QTMAN: variants seen among roughly 807,000 people sequenced by gnomAD.
The protein encoded by QTMAN is tRNA-queuosine alpha-mannosyltransferase.
the QTMAN span, among the ~76,000 whole-genome samples, chr2:144,220,620 C>T: frequency 2.0e-5 from 3 of 152,172 alleles, no homozygotes; most frequent in Non-Finnish European, 2.9e-5. Flanking sequence ...TCACACTTTG[C>T]AAACAGTGTT....
the QTMAN span, among the ~76,000 whole-genome samples, chr2:144,300,297 T>A: frequency 1.3e-5 from 2 of 152,334 alleles, no homozygotes; most frequent in African/African-American, 4.8e-5. Flanking sequence ...AAAAACTATT[T>A]TTTTTAATTA....
the QTMAN span, among the ~76,000 whole-genome samples, chr2:143,993,815 T>C: frequency 6.6e-6 from 1 of 152,076 alleles, no homozygotes. Context: ...TGAAGAGGAA[T>C]CAAACAAGGT....
chr2:144,202,864 G>T, the QTMAN span, among the ~76,000 whole-genome samples: 1 of 152,100 alleles, frequency 6.6e-6, no homozygotes, highest in Non-Finnish European at 1.5e-5. Flanking sequence ...AGCTAGAAAG[G>T]ATATTAAAAG....
the QTMAN span, among the ~76,000 whole-genome samples, chr2:144,103,422 T>C: frequency 6.6e-6 from 1 of 152,190 alleles, no homozygotes; most frequent in African/African-American, 2.4e-5. Flanking sequence ...GTGCCCTGCA[T>C]AGAGCTTACC....
chr2:144,230,016 T>TA, the QTMAN span, among the ~76,000 whole-genome samples: 1,660 of 152,170 alleles, frequency 0.011, 20 homozygotes, highest in African/African-American at 0.037. Flanking sequence ...CCATGTGATA[T>TA]AAAAAAAATT....
chr2:143,984,326 A>G, the QTMAN span, among the ~76,000 whole-genome samples: 4 of 152,250 alleles, frequency 2.6e-5, no homozygotes, highest in African/African-American at 9.6e-5. Flanking sequence ...GCCAAAGATA[A>G]TGAAGAACAA....
the QTMAN span, among the ~76,000 whole-genome samples, chr2:144,310,540 TGA>T: frequency 6.6e-6 from 1 of 152,206 alleles, no homozygotes; most frequent in Non-Finnish European, 1.5e-5. Flanking sequence ...GAGAAAAAGC[TGA>T]GAGACCAGTC....
At chr2:144,117,801 G>C in the QTMAN span, among the ~76,000 whole-genome samples, 5 of 151,688 alleles carry the variant, frequency 3.3e-5, no homozygotes, top group Non-Finnish European at 1.5e-5. Flanking sequence ...TAAAGTACTT[G>C]AGATTTATCT....
the QTMAN span, chr2:144,235,886 T>G: frequency 6.6e-6 from 1 of 152,324 alleles, no homozygotes; most frequent in African/African-American, 2.4e-5. Context: ...AACAGAAATT[T>G]TCTGAGTGCT....
the QTMAN span, among the ~76,000 whole-genome samples, chr2:144,182,115 A>AT: frequency 6.6e-6 from 1 of 152,282 alleles, no homozygotes; most frequent in East Asian, 1.9e-4. Context: ...ATAAAAGAGA[A>AT]TAAAAAAAAA....
chr2:144,259,151 T>C, the QTMAN span, among the ~76,000 whole-genome samples: 1 of 152,184 alleles, frequency 6.6e-6, no homozygotes, highest in South Asian at 2.1e-4. Flanking sequence ...ACTAGACCTC[T>C]TGCTTTTTTG....
At chr2:144,135,541 C>A in the QTMAN span, among the ~76,000 whole-genome samples, 1 of 152,126 alleles carries the variant, frequency 6.6e-6, no homozygotes, top group Non-Finnish European at 1.5e-5. Flanking sequence ...CTTAAAATTT[C>A]TCATTCCTGT....
At chr2:144,017,492 A>T in the QTMAN span, among the ~76,000 whole-genome samples, 1 of 152,304 alleles carries the variant, frequency 6.6e-6, no homozygotes, top group Non-Finnish European at 1.5e-5. Context: ...TTAAGCATCT[A>T]ATCAAGTCTA....
chr2:144,290,246 A>G, the QTMAN span, among the ~76,000 whole-genome samples: 1 of 152,146 alleles, frequency 6.6e-6, no homozygotes, highest in South Asian at 2.1e-4. Context: ...TTGCTCAATC[A>G]AACTCTGTTA....
the QTMAN span, among the ~76,000 whole-genome samples, chr2:144,014,275 C>G: frequency 6.6e-6 from 1 of 152,148 alleles, no homozygotes; most frequent in African/African-American, 2.4e-5. Context: ...CACAGATGAG[C>G]CAATCATGAT....
chr2:144,075,331 T>A, the QTMAN span, among the ~76,000 whole-genome samples: 4 of 152,368 alleles, frequency 2.6e-5, no homozygotes, highest in African/African-American at 7.2e-5. Flanking sequence ...AGCGTCACTT[T>A]TTCTGATTAC....
At chr2:143,998,195 A>G in the QTMAN span, among the ~76,000 whole-genome samples, 2 of 152,084 alleles carry the variant, frequency 1.3e-5, no homozygotes, top group African/African-American at 4.8e-5. Flanking sequence ...TCTCAGAAAC[A>G]TATCTAAATT....
chr2:144,073,068 C>G, the QTMAN span, among the ~76,000 whole-genome samples: 1 of 151,968 alleles, frequency 6.6e-6, no homozygotes, highest in Non-Finnish European at 1.5e-5. Context: ...CCTTTATTCA[C>G]GTCAAACAGC....
the QTMAN span, among the ~76,000 whole-genome samples, chr2:144,314,620 G>A: frequency 6.6e-6 from 1 of 152,164 alleles, no homozygotes; most frequent in African/African-American, 2.4e-5. Context: ...GGCTGAGGCA[G>A]GAGAATGGCG....
Sources: allele counts gnomAD v4.1 joint callset (sites outside exome capture counted in the v4.1 genomes callset), GRCh38; gene constraint gnomAD v4.1.1; transcripts MANE v1.5; gene names NCBI Gene and HGNC (gene_info 2026-07-23, HGNC 2026-07-21).